Variants in ASTN2 observed in about 807,000 individuals in gnomAD.
The protein encoded by ASTN2 is astrotactin 2.
A neutral mutation model predicts 139.8 loss-of-function variants in ASTN2; 54 were observed. That is an observed-to-expected ratio of 0.39 (90% CI 0.31 to 0.48). The LOEUF (loss-of-function observed/expected upper bound fraction) is 0.48. ASTN2 is among the 20% of genes least tolerant of loss of function. The probability of loss-of-function intolerance (pLI) is 0.95; values close to 1 mark genes in which losing one functional copy is unlikely to be tolerated. For synonymous variants in ASTN2, 756 were observed against 719.5 expected, an observed-to-expected ratio of 1.05 and a Z score of -0.81; for missense variants, 1,565 against 1,725.1, an observed-to-expected ratio of 0.91 and a Z score of 1.64.
At chr9:116,999,548 C>CTTTTTTTTTTTTTTTTTTTTTT (rs71379248) in intron 7 of ASTN2, among the ~76,000 whole-genome samples, 3 of 94,920 alleles carry the variant, frequency 3.2e-5, no homozygotes, top group African/African-American at 4.9e-5. Context: ...TTCTCTCTTT[C>CTTTTTTTTTTTTTTTTTTTTTT]TTTTTTTTTT....
At chr9:117,028,744 A>G (rs1838168646) in intron 6 of ASTN2, among the ~76,000 whole-genome samples, 2 of 152,174 alleles carry the variant, frequency 1.3e-5, no homozygotes, top group African/African-American at 4.8e-5. Flanking sequence ...GCTGCATGAC[A>G]GCAGTTTGGC....
intron 3 of ASTN2, among the ~76,000 whole-genome samples, chr9:117,204,468 A>G (rs1367038502): frequency 1.3e-5 from 2 of 152,248 alleles, no homozygotes; most frequent in African/African-American, 2.4e-5. Flanking sequence ...TACAAAAACA[A>G]AGATAAAGGA....
At chr9:116,999,759 A>C (rs1837140959) in intron 7 of ASTN2, among the ~76,000 whole-genome samples, 1 of 151,644 alleles carries the variant, frequency 6.6e-6, no homozygotes, top group African/African-American at 2.4e-5. Context: ...AGAGTTTCAC[A>C]GTGTGGGCCA....
intron 19 of ASTN2, among the ~76,000 whole-genome samples, chr9:116,580,669 G>A (rs1185869887): frequency 2.0e-5 from 3 of 152,172 alleles, no homozygotes; most frequent in Non-Finnish European, 4.4e-5. Flanking sequence ...CCAGAAGTGG[G>A]AGGTGCACTT....
intron 3 of ASTN2, among the ~76,000 whole-genome samples, chr9:117,160,510 A>C (rs1830525137): frequency 6.6e-6 from 1 of 151,994 alleles, no homozygotes; most frequent in South Asian, 2.1e-4. Flanking sequence ...GTTTTAAGAA[A>C]TGGAATGCTT....
In ASTN2 at chr9:116,886,189, G is replaced by T. The variant is rs552082526; in HGVS notation, c.1890-22456C>A. On this transcript the variant is annotated intron_variant, in intron 10 of 22. Coordinates refer to ENST00000313400, the MANE Select transcript of ASTN2 (RefSeq NM_001365068.1). ...CATGCTATTATCTGTCCACAGGTCT[G>T]GTTTGCTCTGTCAGTTTCATTTTAG... 4.6e-5 allele frequency among the ~76,000 whole-genome samples: 7 copies of T among 152,290 alleles called. No individual in the cohort carries two copies. The South Asian group carries it at 1.5e-3, about 32-fold the overall frequency.
intron 1 of ASTN2, among the ~76,000 whole-genome samples, chr9:117,295,134 C>T (rs1834696956): frequency 6.6e-6 from 1 of 152,044 alleles, no homozygotes; most frequent in Admixed American, 6.5e-5. Context: ...CCAGCCCGGC[C>T]AACATGGTGA....
At chr9:117,249,028 C>A (rs900233493) in intron 2 of ASTN2, among the ~76,000 whole-genome samples, 2 of 152,198 alleles carry the variant, frequency 1.3e-5, no homozygotes, top group Non-Finnish European at 2.9e-5. Flanking sequence ...TGGCATGTGA[C>A]AAGTCTTGCT....
chr9:116,703,815 G>A (rs941117644), intron 16 of ASTN2, among the ~76,000 whole-genome samples: 1 of 151,916 alleles, frequency 6.6e-6, no homozygotes, highest in Non-Finnish European at 1.5e-5. Context: ...TCTCCACCCT[G>A]CACTTGACTA....
chr9:116,873,564 G>A (rs1833219406), intron 10 of ASTN2, among the ~76,000 whole-genome samples: 2 of 152,196 alleles, frequency 1.3e-5, no homozygotes, highest in Admixed American at 6.5e-5. Context: ...TTTATGACAT[G>A]AGAACTTTGG....
intron 1 of ASTN2, among the ~76,000 whole-genome samples, chr9:117,332,246 T>G (rs1828733914): frequency 6.6e-6 from 1 of 152,208 alleles, no homozygotes; most frequent in Non-Finnish European, 1.5e-5. Context: ...TGCCACCCTT[T>G]ATAGCATAAC....
intron 3 of ASTN2, among the ~76,000 whole-genome samples, chr9:117,202,107 C>T (rs1831743749): frequency 6.7e-6 from 1 of 149,574 alleles, no homozygotes; most frequent in Admixed American, 6.6e-5. Context: ...CCTTCCTTGT[C>T]TTTTTTGATC....
At chr9:116,920,361 G>A (rs1412553609) in intron 10 of ASTN2, among the ~76,000 whole-genome samples, 1 of 152,132 alleles carries the variant, frequency 6.6e-6, no homozygotes, top group Admixed American at 6.5e-5. Context: ...TCCTGTAAGA[G>A]GCAGAATTAA....
chr9:117,225,350 G>A lies in ASTN2; in HGVS notation c.631-10608C>T, dbSNP rs79852886. ...TGTCGCAAATCCCACTCTGAAGGAC[G>A]GGTGAATGGAGAAGGTAGGGGAAAA... On this transcript the variant is annotated intron_variant, in intron 2 of 22. Coordinates refer to ENST00000313400, the MANE Select transcript of ASTN2 (RefSeq NM_001365068.1). Among the ~76,000 whole-genome samples the A allele has an allele frequency of 8.5e-3, 1,287 of 151,512 alleles. 24 individuals are homozygous for A. Among genetic ancestry groups the A allele is most frequent in the African/African-American group, 0.029 (1,209 of 41,302 alleles).
At chr9:117,048,499 G>T (rs1308295801) in intron 5 of ASTN2, among the ~76,000 whole-genome samples, 1 of 152,162 alleles carries the variant, frequency 6.6e-6, no homozygotes, top group East Asian at 1.9e-4. Flanking sequence ...GGCCTAGATT[G>T]TGGCTGCCTG....
chr9:116,888,387 T>C (rs1283844445), intron 10 of ASTN2, among the ~76,000 whole-genome samples: 1 of 152,246 alleles, frequency 6.6e-6, no homozygotes, highest in Non-Finnish European at 1.5e-5. Context: ...GATCTTCTGA[T>C]GGTTTTATTG....
chr9:116,606,265 C>T (rs1002931853), intron 19 of ASTN2, among the ~76,000 whole-genome samples: 10 of 152,238 alleles, frequency 6.6e-5, no homozygotes, highest in Admixed American at 2.0e-4. Flanking sequence ...ACTGACCGAG[C>T]GATGGCTTCT....
intron 1 of ASTN2, among the ~76,000 whole-genome samples, chr9:117,413,705 ATCTCC>A (rs968052484): frequency 6.6e-6 from 1 of 152,020 alleles, no homozygotes; most frequent in African/African-American, 2.4e-5. Context: ...ACCCACACCC[ATCTCC>A]TCTCCTCTCC....
chr9:116,906,319 T>C (rs886568333), intron 10 of ASTN2, among the ~76,000 whole-genome samples: 4 of 152,128 alleles, frequency 2.6e-5, no homozygotes, highest in Admixed American at 2.6e-4. Flanking sequence ...TTGTTCAATG[T>C]TAGGGAAAAA....
Sources: gnomAD v4.1 joint callset for allele counts (sites outside exome capture counted in the v4.1 genomes callset) on GRCh38, gnomAD v4.1.1 for gene constraint, MANE v1.5 for transcripts, NCBI Gene and HGNC (gene_info 2026-07-23, HGNC 2026-07-21) for gene names.